The following GRIK4 variants were observed in gnomAD, a reference collection of about 807,000 sequenced individuals.
GRIK4 encodes the protein glutamate receptor ionotropic, kainate 4.
Under a neutral mutation model 104.9 loss-of-function variants are expected in GRIK4, and 40 were observed. That is an observed-to-expected ratio of 0.38 (90% CI 0.30 to 0.50). The LOEUF (loss-of-function observed/expected upper bound fraction) is 0.50. GRIK4 is among the 20% of genes least tolerant of loss of function. The pLI, the probability that GRIK4 is intolerant of heterozygous loss-of-function variation, is 0.93. For missense variants in GRIK4, 1,047 were observed against 1,308.1 expected, an observed-to-expected ratio of 0.80 and a Z score of 3.08; for synonymous variants, 485 against 524.9, an observed-to-expected ratio of 0.92 and a Z score of 1.04.
chr11:120,880,540 G>A (rs1372403520), intron 11 of GRIK4, among the ~76,000 whole-genome samples: 5 of 152,280 alleles, frequency 3.3e-5, no homozygotes, highest in African/African-American at 9.6e-5. Context: ...CAAAGTCCAA[G>A]GTCTTTCCAC....
chr11:120,661,191 T>C (rs956708579), intron 3 of GRIK4, among the ~76,000 whole-genome samples: 17 of 151,908 alleles, frequency 1.1e-4, no homozygotes, highest in Admixed American at 3.3e-4. Flanking sequence ...AGAGAACCCA[T>C]GGAATTAGGA....
At chr11:120,632,098 T>C (rs1184277085) in intron 1 of GRIK4, among the ~76,000 whole-genome samples, 1 of 152,128 alleles carries the variant, frequency 6.6e-6, no homozygotes, top group Admixed American at 6.5e-5. Flanking sequence ...CCCAGTGTGA[T>C]GGTATTAAGA....
At chr11:120,704,611 C>T (rs967187111) in intron 3 of GRIK4, among the ~76,000 whole-genome samples, 1 of 152,162 alleles carries the variant, frequency 6.6e-6, no homozygotes, top group African/African-American at 2.4e-5. Context: ...TGAGGATAGA[C>T]ATTTTTGCTT....
intron 3 of GRIK4, among the ~76,000 whole-genome samples, chr11:120,789,374 C>T (rs1952351470): frequency 6.6e-6 from 1 of 152,090 alleles, no homozygotes; most frequent in Admixed American, 6.5e-5. Context: ...AAGCCAAGAG[C>T]CCTCTTACCT....
intron 13 of GRIK4, among the ~76,000 whole-genome samples, chr11:120,923,121 T>A (rs536560251): frequency 7.2e-5 from 11 of 151,914 alleles, no homozygotes; most frequent in Non-Finnish European, 1.3e-4. Flanking sequence ...AGGTGGGAGA[T>A]CAAAACAGAT....
chr11:120,900,733 ATTC>A (rs1942712009), intron 12 of GRIK4, among the ~76,000 whole-genome samples: 1 of 152,092 alleles, frequency 6.6e-6, no homozygotes, highest in Non-Finnish European at 1.5e-5. Context: ...GGGGAGGGGT[ATTC>A]TTGGCACAGG....
intron 3 of GRIK4, among the ~76,000 whole-genome samples, chr11:120,738,363 A>G (rs1027568953): frequency 2.6e-5 from 4 of 152,200 alleles, no homozygotes; most frequent in South Asian, 2.1e-4. Flanking sequence ...GATGGAGGCA[A>G]TAGTTTCAAG....
intron 19 of GRIK4, among the ~76,000 whole-genome samples, chr11:120,972,110 T>G (rs572836406): frequency 6.6e-6 from 1 of 152,246 alleles, no homozygotes; most frequent in East Asian, 1.9e-4. Context: ...ATGTAAGAAT[T>G]TTTTTCCCAC....
chr11:120,541,073 C>T (rs1007230138), intron 1 of GRIK4, among the ~76,000 whole-genome samples: 6 of 152,278 alleles, frequency 3.9e-5, no homozygotes, highest in South Asian at 2.1e-4. Flanking sequence ...GCCCTGCAGC[C>T]TGGGGCCCTG....
chr11:120,752,782 G>C (rs1951579646), intron 3 of GRIK4, among the ~76,000 whole-genome samples: 1 of 152,206 alleles, frequency 6.6e-6, no homozygotes, highest in South Asian at 2.1e-4. Flanking sequence ...CTCTGCTCGA[G>C]GGCCACCTGT....
chr11:120,644,424 G>A (rs1409306638), intron 1 of GRIK4, among the ~76,000 whole-genome samples: 3 of 152,204 alleles, frequency 2.0e-5, no homozygotes, highest in Non-Finnish European at 4.4e-5. Context: ...ACTGCAAATA[G>A]CCCCGTGAGG....
At chr11:120,816,052 G>A (rs988443949) in intron 5 of GRIK4, among the ~76,000 whole-genome samples, 11 of 152,044 alleles carry the variant, frequency 7.2e-5, no homozygotes, top group African/African-American at 2.2e-4. Flanking sequence ...GATGTGACTC[G>A]AACTGGAGGC....
At chr11:120,841,866 G>A (rs189340327) in intron 8 of GRIK4, among the ~76,000 whole-genome samples, 134 of 152,228 alleles carry the variant, frequency 8.8e-4, no homozygotes, top group Non-Finnish European at 1.5e-3. Context: ...GTGCAAATTG[G>A]AAGAAGCAAG....
At chr11:120,941,953 A>G (rs1943736030) in intron 14 of GRIK4, among the ~76,000 whole-genome samples, 2 of 152,224 alleles carry the variant, frequency 1.3e-5, no homozygotes, top group South Asian at 4.1e-4. Flanking sequence ...TATTTTAGAA[A>G]TGAGGAAACT....
At chr11:120,584,490 G>A (rs1329324839) in intron 1 of GRIK4, among the ~76,000 whole-genome samples, 1 of 152,190 alleles carries the variant, frequency 6.6e-6, no homozygotes, top group African/African-American at 2.4e-5. Context: ...GTGAAAGTGG[G>A]AGTGAGTGAG....
At chr11:120,586,583 C>T (rs1257498965) in intron 1 of GRIK4, among the ~76,000 whole-genome samples, 4 of 152,088 alleles carry the variant, frequency 2.6e-5, no homozygotes, top group South Asian at 2.1e-4. Context: ...GGAAGATCAG[C>T]GAGGAGTTCT....
In GRIK4 at chr11:120,879,213, T is replaced by C. The variant is rs1487287147; in HGVS notation, c.1164+3970T>C. On this transcript the variant is annotated intron_variant, in intron 11 of 20. Coordinates refer to ENST00000527524, the MANE Select transcript of GRIK4 (RefSeq NM_014619.5). ...CCCCCACTCCTGGCTATTCCTCACT[T>C]TCCTGGAATCCCTAAAACCCCAAAT... Among the ~76,000 whole-genome samples, 5 of 152,164 alleles carry C rather than the reference T, an allele frequency of 3.3e-5. 1 individual carries two copies. The highest frequency in any genetic ancestry group is 1.3e-4 in the Admixed American group (2 of 15,282).
intron 10 of GRIK4, 38 bp from the exon 11 acceptor site, chr11:120,875,101 G>T: frequency 7.7e-7 from 1 of 1,295,508 alleles, no homozygotes; most frequent in Non-Finnish European, 1.1e-6. Context: ...TGTAACCTGG[G>T]GCCTGTTTGG....
intron 4 of GRIK4, among the ~76,000 whole-genome samples, chr11:120,813,422 A>G (rs1388312408): frequency 6.6e-6 from 1 of 152,200 alleles, no homozygotes; most frequent in Non-Finnish European, 1.5e-5. Flanking sequence ...CTGAGGTCAC[A>G]TGAGATAACC....
Sources: gnomAD v4.1 joint callset for allele counts (sites outside exome capture counted in the v4.1 genomes callset) on GRCh38, gnomAD v4.1.1 for gene constraint, MANE v1.5 for transcripts, NCBI Gene and HGNC (gene_info 2026-07-23, HGNC 2026-07-21) for gene names.